NECAB1: variants seen among roughly 807,000 people sequenced by gnomAD.
NECAB1 encodes the protein N-terminal EF-hand calcium-binding protein 1.
Under a neutral mutation model 57.5 loss-of-function variants are expected in NECAB1, and 29 were observed. The observed-to-expected ratio is 0.50, with a 90% CI of 0.38 to 0.69. The LOEUF is 0.69. Among genes scored for constraint, NECAB1 ranks in the 30% least tolerant of loss-of-function variants. NECAB1 has a pLI of 0.00. For missense variants in NECAB1, 372 were observed against 413.8 expected (o/e 0.90, Z 0.88); for synonymous variants, 142 against 147.7 (o/e 0.96, Z 0.28).
intron 3 of NECAB1, among the ~76,000 whole-genome samples, chr8:90,860,610 CTGAT>C (rs1812883915): frequency 6.6e-6 from 1 of 152,086 alleles, no homozygotes; most frequent in South Asian, 2.1e-4. Flanking sequence ...AGTTCCAAGA[CTGAT>C]TGATGGATAG....
chr8:90,900,689 C>A (rs1435868265), intron 5 of NECAB1, among the ~76,000 whole-genome samples: 3 of 152,184 alleles, frequency 2.0e-5, no homozygotes, highest in Non-Finnish European at 2.9e-5. Context: ...GTACAGGATT[C>A]TTTATCTGTT....
Position 90,959,325 on chromosome 8 carries a change from A to G in NECAB1, c.*3813A>G, listed in dbSNP as rs1245902675. ...GTAAATCACAAGTAAAATGAATTCT[A>G]ATGTACAAGTTTGTTTTAAAAAGTG... is the stretch of plus-strand genomic sequence containing the variant. On this transcript the variant is annotated 3_prime_UTR_variant, in exon 13 of 13. Transcript: ENST00000417640. 1.1e-5 allele frequency: 2 copies of G among 179,534 alleles called. No homozygotes were observed. Among genetic ancestry groups the G allele is most frequent in the Non-Finnish European group, 2.3e-5 (2 of 86,490 alleles). The allele number at this position is 179,534 out of a possible 1,614,324, so 11.1% of individuals were successfully genotyped here.
chr8:90,944,688 A>G (rs375242519), intron 10 of NECAB1, among the ~76,000 whole-genome samples: 4 of 152,344 alleles, frequency 2.6e-5, no homozygotes, highest in Admixed American at 6.5e-5. Context: ...GAGCACAATT[A>G]AAATCATGTT....
chr8:90,826,605 T>C (rs1398807433), intron 3 of NECAB1, among the ~76,000 whole-genome samples: 1 of 151,886 alleles, frequency 6.6e-6, no homozygotes, highest in Non-Finnish European at 1.5e-5. Flanking sequence ...CTCGTTACAA[T>C]TAGTATTGAA....
intron 4 of NECAB1, among the ~76,000 whole-genome samples, chr8:90,877,757 G>A (rs970170281): frequency 6.6e-6 from 1 of 152,150 alleles, no homozygotes; most frequent in African/African-American, 2.4e-5. Context: ...CATCTGGCAA[G>A]GACTGTTTCC....
chr8:90,905,407 C>T (rs758409073), intron 5 of NECAB1, among the ~76,000 whole-genome samples: 2 of 152,130 alleles, frequency 1.3e-5, no homozygotes, highest in Non-Finnish European at 2.9e-5. Flanking sequence ...GATAATTTAG[C>T]ACTTGTACCC....
intron 7 of NECAB1, among the ~76,000 whole-genome samples, chr8:90,927,202 C>CTTT (rs1317423104): frequency 9.0e-5 from 7 of 77,742 alleles, no homozygotes; most frequent in African/African-American, 8.3e-4. Flanking sequence ...TCTTTTCTCT[C>CTTT]TCTTTTTTTT....
chr8:90,841,365 C>T (rs1056185367), intron 3 of NECAB1, among the ~76,000 whole-genome samples: 2 of 152,112 alleles, frequency 1.3e-5, no homozygotes, highest in Non-Finnish European at 2.9e-5. Flanking sequence ...AGATTAATAT[C>T]TCCCTTTCTG....
chr8:90,886,467 T>C (rs1000236853), intron 5 of NECAB1, among the ~76,000 whole-genome samples: 1 of 152,176 alleles, frequency 6.6e-6, no homozygotes, highest in Non-Finnish European at 1.5e-5. Flanking sequence ...TCTTAATTCT[T>C]GTATACTTAG....
intron 4 of NECAB1, among the ~76,000 whole-genome samples, chr8:90,877,264 C>A (rs945555935): frequency 4.6e-5 from 7 of 152,124 alleles, no homozygotes; most frequent in African/African-American, 1.7e-4. Flanking sequence ...GTGATGAAAT[C>A]CCTCCTGGCA....
intron 10 of NECAB1, among the ~76,000 whole-genome samples, chr8:90,942,775 AG>A (rs1254685500): frequency 1.3e-5 from 2 of 152,208 alleles, no homozygotes; most frequent in African/African-American, 4.8e-5. Flanking sequence ...CCAGCTACTC[AG>A]GAGGCTGAGG....
At chr8:90,794,461 AT>A (rs1811627823) in intron 1 of NECAB1, among the ~76,000 whole-genome samples, 1 of 152,166 alleles carries the variant, frequency 6.6e-6, no homozygotes, top group African/African-American at 2.4e-5. Context: ...CAATTTCCAA[AT>A]TTGAGGAAAA....
At chr8:90,954,936 T>C (rs978516953) in intron 12 of NECAB1, among the ~76,000 whole-genome samples, 1 of 147,802 alleles carries the variant, frequency 6.8e-6, no homozygotes, top group Non-Finnish European at 1.5e-5. Context: ...ATGTATTATA[T>C]GTATACATAC....
intron 5 of NECAB1, among the ~76,000 whole-genome samples, chr8:90,897,135 T>C (rs751819953): frequency 2.0e-5 from 3 of 152,208 alleles, no homozygotes; most frequent in African/African-American, 7.2e-5. Flanking sequence ...ATTTTCTTCT[T>C]CAATTACAAG....
intron 4 of NECAB1, among the ~76,000 whole-genome samples, chr8:90,878,399 A>C (rs1037681577): frequency 1.3e-5 from 2 of 152,032 alleles, no homozygotes; most frequent in African/African-American, 2.4e-5. Flanking sequence ...GAGGGGAGTT[A>C]TCTCTCTTTA....
intron 7 of NECAB1, 80 bp downstream of exon 7, chr8:90,925,736 A>C: frequency 6.5e-7 from 1 of 1,546,334 alleles, no homozygotes; most frequent in East Asian, 2.3e-5. Flanking sequence ...AACAAACAAC[A>C]GATAAGACAA....
Position 90,940,916 on chromosome 8 carries a change from T to G in NECAB1, c.860+18T>G, listed in dbSNP as rs1459870409. 2.0e-6 allele frequency: 3 copies of G among 1,535,016 alleles called. No homozygotes were observed. Among genetic ancestry groups the G allele is most frequent in the Admixed American group, 3.9e-5 (2 of 51,072 alleles). On this transcript the variant is annotated intron_variant, in intron 10 of 12. Transcript: ENST00000417640. ...TGCTTGCGGTAAGTGCTCCGACTCC[T>G]GCACCTTAGGCCTTTGGCAGCCTGG... is the stretch of plus-strand genomic sequence containing the variant.
At chr8:90,819,317 TCTCTTCAGACTGTG>T (rs1812106416) in intron 2 of NECAB1, among the ~76,000 whole-genome samples, 1 of 152,006 alleles carries the variant, frequency 6.6e-6, no homozygotes, top group African/African-American at 2.4e-5. Context: ...GCATGTTTTG[TCTCTTCAGACTGTG>T]CTTTTCCTTG....
At chr8:90,824,893 G>A in intron 3 of NECAB1, 68 bp downstream of exon 3, 1 of 791,974 alleles carries the variant, frequency 1.3e-6, no homozygotes, top group Non-Finnish European at 2.0e-6. Flanking sequence ...TTCATGTCCA[G>A]GAAGAAGAAA....
Sources: gnomAD v4.1 joint callset for allele counts (sites outside exome capture counted in the v4.1 genomes callset) on GRCh38, gnomAD v4.1.1 for gene constraint, MANE v1.5 for transcripts, NCBI Gene and HGNC (gene_info 2026-07-23, HGNC 2026-07-21) for gene names.